Variants in SNX30 observed in about 807,000 individuals in gnomAD.
The protein encoded by SNX30 is sorting nexin family member 30.
In SNX30, 24 loss-of-function variants were observed where a neutral mutation model predicts 46.4. The ratio of observed to expected loss-of-function variants is 0.52; its 90% confidence interval spans 0.37 to 0.73. SNX30 has a LOEUF of 0.73. SNX30 is among the 30% of genes least tolerant of loss of function. The pLI is 0.00. For synonymous variants in SNX30, 189 were observed against 211.5 expected (o/e 0.89, Z 0.92); for missense variants, 533 against 555.7 (o/e 0.96, Z 0.41).
chr9:112,879,613 C>G, downstream of SNX30: 1 of 656,964 alleles, frequency 1.5e-6, no homozygotes, highest in East Asian at 2.6e-5. Context: ...GATCCCTGAG[C>G]CAGAGCAGGT....
At position 112,782,150 on chromosome 9, in the gene SNX30, T is replaced by C. The variant is rs533653772; in HGVS notation, c.157-22626T>C. Among the ~76,000 whole-genome samples the C allele has an allele frequency of 2.6e-5, 4 of 152,266 alleles. No homozygotes were observed. The East Asian group carries it at 7.7e-4, about 29-fold the overall frequency. On this transcript the variant is annotated intron_variant, in intron 1 of 8. Coordinates refer to ENST00000374232, the MANE Select transcript of SNX30 (RefSeq NM_001012994.2). ...GGTGCAACCTCGGCTCACTGCACCC[T>C]CTACCTTCCGGGTTCAAGAGATTCT...
At chr9:112,753,641 C>T (rs954987581) in intron 1 of SNX30, among the ~76,000 whole-genome samples, 1 of 152,190 alleles carries the variant, frequency 6.6e-6, no homozygotes, top group Non-Finnish European at 1.5e-5. Context: ...CCTCGGCCTC[C>T]CAAAGTGCTG....
chr9:112,808,637 A>G (rs1336171133), intron 2 of SNX30, among the ~76,000 whole-genome samples: 1 of 152,248 alleles, frequency 6.6e-6, no homozygotes, highest in Non-Finnish European at 1.5e-5. Context: ...AGTTCAAGTA[A>G]GCTAAAACAC....
chr9:112,797,092 C>A (rs868591551), intron 1 of SNX30, among the ~76,000 whole-genome samples: 3 of 152,184 alleles, frequency 2.0e-5, no homozygotes, highest in African/African-American at 7.2e-5. Context: ...TATTCAGAGG[C>A]CTTCACATCT....
intron 2 of SNX30, among the ~76,000 whole-genome samples, chr9:112,812,820 A>G (rs568857538): frequency 6.6e-6 from 1 of 152,254 alleles, no homozygotes; most frequent in East Asian, 1.9e-4. Context: ...TGAAATCCTT[A>G]TGTACAATTA....
chr9:112,765,928 C>T (rs568979653), intron 1 of SNX30, among the ~76,000 whole-genome samples: 15 of 152,174 alleles, frequency 9.9e-5, no homozygotes, highest in Middle Eastern at 3.4e-3. Flanking sequence ...CTCAGCCTCC[C>T]GAGTAGCTGG....
intron 1 of SNX30, among the ~76,000 whole-genome samples, chr9:112,771,279 G>A (rs1839644967): frequency 6.6e-6 from 1 of 152,178 alleles, no homozygotes; most frequent in African/African-American, 2.4e-5. Context: ...AATGCTGTGT[G>A]TATAAGGATA....
chr9:112,836,214 G>T lies in SNX30; in HGVS notation c.619G>T (p.Asp207Tyr). ...GAGCTTATTCACATATCATCCTCAG[G>T]ACCTGAACGCCTACAAGAAGCAAGG... ...EHFNIFLTAK[D>Y]LNAYKKQGIA... Residue 207 changes from aspartate to tyrosine, a missense_variant and splice_region_variant, in exon 5 of 9, where the codon GAC becomes TAC. Around this residue, in one of 3 missense-constraint regions of SNX30, gnomAD observed 81 missense variants for 124.4 expected, o/e 0.65. Transcript: ENST00000374232. 1.3e-6 allele frequency: 2 copies of T among 1,590,808 alleles called. No individual in the cohort carries two copies. The highest frequency in any genetic ancestry group is 2.2e-5 in the South Asian group (2 of 90,448).
intron 6 of SNX30, among the ~76,000 whole-genome samples, chr9:112,841,005 G>T (rs371276310): frequency 7.3e-6 from 1 of 136,322 alleles, no homozygotes; most frequent in Non-Finnish European, 1.6e-5. Flanking sequence ...CTCGTGATCC[G>T]CCCGCCTCGG....
At chr9:112,830,583 A>G in intron 3 of SNX30, 142 bp from the exon 4 acceptor site, 1 of 669,790 alleles carries the variant, frequency 1.5e-6, no homozygotes, top group Non-Finnish European at 2.4e-6. Flanking sequence ...AGAAGTCTTT[A>G]TATTAATGAC....
At chr9:112,795,110 G>T (rs1777863069) in intron 1 of SNX30, among the ~76,000 whole-genome samples, 1 of 152,148 alleles carries the variant, frequency 6.6e-6, no homozygotes, top group Non-Finnish European at 1.5e-5. Flanking sequence ...TTGTGTGTCT[G>T]CTATGAACCC....
intron 3 of SNX30, among the ~76,000 whole-genome samples, chr9:112,824,081 C>T (rs1029427520): frequency 2.6e-5 from 4 of 152,144 alleles, no homozygotes. Flanking sequence ...AAGTCATTTG[C>T]TGACGAGGAA....
chr9:112,862,778 G>T (rs1199521648), intron 7 of SNX30, among the ~76,000 whole-genome samples: 2 of 151,836 alleles, frequency 1.3e-5, no homozygotes, highest in African/African-American at 4.8e-5. Context: ...GCCCAGGCTG[G>T]TCTCAAATTC....
intron 1 of SNX30, among the ~76,000 whole-genome samples, chr9:112,772,722 G>A (rs576871877): frequency 6.6e-6 from 1 of 152,294 alleles, no homozygotes; most frequent in Non-Finnish European, 1.5e-5. Flanking sequence ...TCCCAAGATC[G>A]TAAGTTATGA....
intron 3 of SNX30, among the ~76,000 whole-genome samples, chr9:112,818,030 T>G (rs1292153649): frequency 6.6e-6 from 1 of 152,180 alleles, no homozygotes; most frequent in Non-Finnish European, 1.5e-5. Flanking sequence ...TGGGCTTTCT[T>G]TAGCCACAGC....
downstream of SNX30, chr9:112,879,786 T>C (rs757823458): frequency 1.9e-6 from 3 of 1,613,294 alleles, no homozygotes; most frequent in Non-Finnish European, 2.5e-6. Context: ...TGTCTCCATA[T>C]GGTGACAATG....
intron 1 of SNX30, among the ~76,000 whole-genome samples, chr9:112,777,260 C>G (rs1839761133): frequency 6.6e-6 from 1 of 151,972 alleles, no homozygotes; most frequent in Non-Finnish European, 1.5e-5. Flanking sequence ...TTTTGTCATT[C>G]CCTTGGAACT....
At chr9:112,813,829 A>G (rs923618741) in intron 2 of SNX30, among the ~76,000 whole-genome samples, 19 of 152,160 alleles carry the variant, frequency 1.2e-4, no homozygotes, top group Non-Finnish European at 4.4e-5. Context: ...ACTGACAGCC[A>G]TAGAATAAAT....
intron 6 of SNX30, among the ~76,000 whole-genome samples, chr9:112,840,345 A>G (rs1840834835): frequency 6.6e-6 from 1 of 152,216 alleles, no homozygotes; most frequent in African/African-American, 2.4e-5. Flanking sequence ...CTTGTATCAC[A>G]TTGACTTTTA....
Sources: allele counts gnomAD v4.1 joint callset (sites outside exome capture counted in the v4.1 genomes callset), GRCh38; gene constraint gnomAD v4.1.1; regional missense constraint gnomAD v4.1.1; transcripts MANE v1.5; gene names NCBI Gene and HGNC (gene_info 2026-07-23, HGNC 2026-07-21).